Variants in WWTR1 observed in about 807,000 individuals in gnomAD.
WWTR1 encodes WW domain containing transcription regulator 1.
In WWTR1, 13 loss-of-function variants were observed where a neutral mutation model predicts 40.1. That is an observed-to-expected ratio of 0.32 (90% CI 0.21 to 0.52). WWTR1 has a LOEUF of 0.52. Among genes scored for constraint, WWTR1 ranks in the 20% least tolerant of loss-of-function variants. The pLI is 0.97. For synonymous variants in WWTR1, 230 were observed against 210.1 expected (o/e 1.09, Z -0.82); for missense variants, 436 against 523.1 (o/e 0.83, Z 1.63).
In WWTR1 at chr3:149,616,268, G is replaced by A. The variant is rs574060032; in HGVS notation, c.431+40608C>T. Among the ~76,000 whole-genome samples the A allele has an allele frequency of 6.0e-4, 91 of 152,170 alleles. 1 individual carries two copies. Among genetic ancestry groups the A allele is most frequent in the Middle Eastern group, 6.8e-3 (2 of 292 alleles). The stretch of plus-strand genomic sequence containing the variant: ...TAAGATCTCATTTTTCCCCTTAATT[G>A]AGAATGTCCGCTTCCCACCCTTTCT... On this transcript the variant is annotated intron_variant, in intron 2 of 6. Transcript: ENST00000360632.
chr3:149,623,171 G>T (rs963996864), intron 2 of WWTR1, among the ~76,000 whole-genome samples: 3 of 152,120 alleles, frequency 2.0e-5, no homozygotes, highest in African/African-American at 7.2e-5. Context: ...AGACCAGCCT[G>T]ACCAACATGG....
intron 3 of WWTR1, among the ~76,000 whole-genome samples, chr3:149,543,964 C>T (rs1736254702): frequency 6.6e-6 from 1 of 151,216 alleles, no homozygotes; most frequent in African/African-American, 2.4e-5. Context: ...GACGAGGTTT[C>T]ACTATGTTGC....
chr3:149,595,568 G>T (rs1045531657), intron 2 of WWTR1, among the ~76,000 whole-genome samples: 1 of 151,996 alleles, frequency 6.6e-6, no homozygotes, highest in Non-Finnish European at 1.5e-5. Context: ...TAGGCAAGGG[G>T]TATATGGTGG....
chr3:149,691,361 C>T (rs1028497292), intron 1 of WWTR1, among the ~76,000 whole-genome samples: 1 of 149,216 alleles, frequency 6.7e-6, no homozygotes, highest in African/African-American at 2.5e-5. Flanking sequence ...TACAAAGGAA[C>T]AATAAAATGA....
chr3:149,723,836 C>T (rs1489372768), intron 4 of WWTR1, among the ~76,000 whole-genome samples: 1 of 152,174 alleles, frequency 6.6e-6, no homozygotes, highest in Non-Finnish European at 1.5e-5. Context: ...TGAGAAGCAG[C>T]AATCAGCAAT....
At chr3:149,651,016 C>A (rs1712834547) in intron 2 of WWTR1, among the ~76,000 whole-genome samples, 1 of 152,198 alleles carries the variant, frequency 6.6e-6, no homozygotes, top group Non-Finnish European at 1.5e-5. Context: ...CAAGAACTAA[C>A]TTGTACTGAA....
chr3:149,683,877 TGTAGTTTGA>T (rs1352398631), intron 1 of WWTR1, among the ~76,000 whole-genome samples: 1 of 152,098 alleles, frequency 6.6e-6, no homozygotes. Flanking sequence ...CTCCTGTTAC[TGTAGTTTGA>T]GTGGCACTGT....
intron 1 of WWTR1, among the ~76,000 whole-genome samples, chr3:149,684,300 C>T (rs12491681): frequency 0.14 from 22,001 of 151,962 alleles, 1,989 homozygotes; most frequent in Admixed American, 0.26. Context: ...GGATTACAGG[C>T]GTCAGCCACC....
intron 3 of WWTR1, among the ~76,000 whole-genome samples, chr3:149,550,045 G>A (rs1736544873): frequency 6.6e-6 from 1 of 152,174 alleles, no homozygotes; most frequent in African/African-American, 2.4e-5. Flanking sequence ...GGGTGAGTGA[G>A]TGTATAGGAA....
chr3:149,670,055 G>T lies in WWTR1; in HGVS notation c.-107-164C>A, dbSNP rs117667135. ...CTTCCAAGGCAACAGCTGACCCTTA[G>T]GGGCGTCCCGCGATGGGCAGCAATG... On this transcript the variant is annotated intron_variant, in intron 1 of 7. Coordinates refer to the WWTR1 transcript ENST00000465804. Among the ~76,000 whole-genome samples, 29 of 152,330 alleles carry T rather than the reference G, an allele frequency of 1.9e-4. No homozygotes were observed. The East Asian group carries it at 4.6e-3, about 24-fold the overall frequency.
chr3:149,575,989 G>C (rs1185208035), intron 2 of WWTR1: 1 of 456,620 alleles, frequency 2.2e-6, no homozygotes, highest in African/African-American at 2.0e-5. Flanking sequence ...CACATTTAAA[G>C]GAGTTTTGTT....
chr3:149,564,001 G>A (rs779115201), intron 3 of WWTR1, among the ~76,000 whole-genome samples: 25 of 152,148 alleles, frequency 1.6e-4, no homozygotes, highest in African/African-American at 5.1e-4. Flanking sequence ...TGATCTGCCC[G>A]CCTTGGCCTC....
chr3:149,609,637 T>G (rs1272088787), intron 2 of WWTR1, among the ~76,000 whole-genome samples: 1 of 152,236 alleles, frequency 6.6e-6, no homozygotes, highest in Non-Finnish European at 1.5e-5. Context: ...ACAGGGACTT[T>G]ATGGCCCATG....
At chr3:149,539,822 C>G (rs1736004173) in intron 4 of WWTR1, among the ~76,000 whole-genome samples, 1 of 152,038 alleles carries the variant, frequency 6.6e-6, no homozygotes, top group Non-Finnish European at 1.5e-5. Flanking sequence ...AGATGAAACA[C>G]AGAGCCCACA....
chr3:149,672,018 C>T (rs1377913281), intron 1 of WWTR1, among the ~76,000 whole-genome samples: 2 of 152,076 alleles, frequency 1.3e-5, no homozygotes, highest in Non-Finnish European at 2.9e-5. Context: ...AACCTAATTC[C>T]TTTCATCTTA....
intron 2 of WWTR1, among the ~76,000 whole-genome samples, chr3:149,612,897 T>G (rs1029036469): frequency 6.6e-6 from 1 of 152,210 alleles, no homozygotes; most frequent in African/African-American, 2.4e-5. Flanking sequence ...TACACAATTT[T>G]TAATGTTTTA....
intron 2 of WWTR1, among the ~76,000 whole-genome samples, chr3:149,641,715 G>A (rs2108127945): frequency 6.6e-6 from 1 of 152,328 alleles, no homozygotes; most frequent in African/African-American, 2.4e-5. Context: ...ACTCCAAATT[G>A]TCCATAATGA....
At chr3:149,578,819 G>A (rs1212358516) in intron 2 of WWTR1, among the ~76,000 whole-genome samples, 4 of 152,110 alleles carry the variant, frequency 2.6e-5, no homozygotes, top group Non-Finnish European at 4.4e-5. Context: ...GGCGGAGGTT[G>A]CAGTGAGCTG....
intron 2 of WWTR1, among the ~76,000 whole-genome samples, chr3:149,667,249 C>A (rs16862110): frequency 0.2 from 30,078 of 151,776 alleles, 3,221 homozygotes; most frequent in Admixed American, 0.3. Context: ...TAGGAAAAAA[C>A]AAATCTTACT....
Sources: allele counts gnomAD v4.1 joint callset (sites outside exome capture counted in the v4.1 genomes callset), GRCh38; gene constraint gnomAD v4.1.1; transcripts MANE v1.5; gene names NCBI Gene and HGNC (gene_info 2026-07-23, HGNC 2026-07-21).